SKP1: variants seen among roughly 807,000 people sequenced by gnomAD.
SKP1 encodes the protein S-phase kinase associated protein 1.
In SKP1, 1 loss-of-function variant was observed where a neutral mutation model predicts 21.5. The ratio of observed to expected loss-of-function variants is 0.05; its 90% CI spans 0.02 to 0.22. SKP1 has a LOEUF of 0.22. Ranked by LOEUF, SKP1 falls within the 10% of genes least tolerant of loss-of-function variation. The pLI is 1.00. For synonymous variants in SKP1, 59 were observed against 59.3 expected (o/e 0.99, Z 0.03); for missense variants, 70 against 192.0 (o/e 0.36, Z 3.76).
At chr5:134,171,763 G>A (rs760660186) in intron 2 of SKP1, among the ~76,000 whole-genome samples, 16 of 152,248 alleles carry the variant, frequency 1.1e-4, no homozygotes, top group Non-Finnish European at 1.9e-4. Context: ...ATATCACCTC[G>A]GCTGGGCTTA....
chr5:134,167,190 T>C lies in SKP1; in HGVS notation c.151A>G (p.Asn51Asp). 6.2e-7 allele frequency: 1 copy of C among 1,601,922 alleles called. No individual in the cohort carries two copies. Among genetic ancestry groups the C allele is most frequent in the Non-Finnish European group, 8.6e-7 (1 of 1,169,104 alleles). Residue 51 changes from asparagine (N) to aspartate (D), a missense_variant, in exon 3 of 6, where the codon AAT becomes GAT. Physicochemically the swap from Asn to Asp is conservative, Grantham distance 23. Transcript: ENST00000353411. ...CTTACCTTTTTTAATATTGCTGCATTCACATTTGGTAGAGGAACTGGGTCA... is the reference window on the plus strand; with the variant it reads ...CTTACCTTTTTTAATATTGCTGCATCCACATTTGGTAGAGGAACTGGGTCA... ...DDDPVPLPNV[N>D]AAILKKVIQW...
chr5:134,172,349 A>G lies in SKP1; in HGVS notation c.97+1577T>C, dbSNP rs73277654. Reference sequence around the variant, plus strand: ...ATCTACTGATCTTTCCCTACATAAAAAACCTCTGACATTTAAGTACTAAAG... The same window carrying G: ...ATCTACTGATCTTTCCCTACATAAAGAACCTCTGACATTTAAGTACTAAAG... On this transcript the variant is annotated intron_variant, in intron 2 of 5. Transcript: ENST00000353411. Among the ~76,000 whole-genome samples, 895 of 152,318 alleles carry G rather than the reference A, an allele frequency of 5.9e-3. 11 individuals are homozygous for G. Among genetic ancestry groups the G allele is most frequent in the African/African-American group, 0.021 (859 of 41,550 alleles).
Position 134,155,763 on chromosome 5 carries a change from T to G in SKP1, c.*1970A>C, listed in dbSNP as rs1037963432. ...TATGGCAGTAATCCTGGACCTTCAG[T>G]GAAGATTTGTTTGTCATAATACTGC... On this transcript the variant is annotated 3_prime_UTR_variant, in exon 6 of 6. Transcript: ENST00000353411. 1.3e-5 allele frequency: 2 copies of G among 152,126 alleles called. No individual in the cohort carries two copies. Among genetic ancestry groups the G allele is most frequent in the Non-Finnish European group, 2.9e-5 (2 of 68,034 alleles). 9.4% of individuals were successfully genotyped at this position (152,126 alleles called of 1,614,324 possible). A position where few individuals can be genotyped will look rare whatever the true frequency, so the allele number is the denominator to read the frequency against.
At chr5:134,167,519 TAG>T (rs780591990) in intron 2 of SKP1, among the ~76,000 whole-genome samples, 1 of 151,276 alleles carries the variant, frequency 6.6e-6, no homozygotes, top group African/African-American at 2.4e-5. Context: ...GTAAGTAATC[TAG>T]AGAGGGGTTT....
At chr5:134,166,956 T>C (rs1025914063) in intron 3 of SKP1, among the ~76,000 whole-genome samples, 1 of 152,208 alleles carries the variant, frequency 6.6e-6, no homozygotes, top group Non-Finnish European at 1.5e-5. Context: ...TAAATGACAA[T>C]AGTCAACTGT....
Position 134,151,980 on chromosome 5 carries a change from G to A in SKP1, c.*5753C>T, listed in dbSNP as rs1490560559. 1 of 225,596 alleles carries A rather than the reference G, an allele frequency of 4.4e-6. No homozygotes were observed. The highest frequency in any genetic ancestry group is 9.3e-6 in the Non-Finnish European group (1 of 107,758). 14.0% of individuals were successfully genotyped at this position (225,596 alleles called of 1,614,324 possible). A position where few individuals can be genotyped will look rare whatever the true frequency, so the allele number is the denominator to read the frequency against. ...GCCAATCCTGCTTAGGTGTCCAAATGGCTCAATCTTGGGCCAAAGGACATG... is the reference window on the plus strand; with the variant it reads ...GCCAATCCTGCTTAGGTGTCCAAATAGCTCAATCTTGGGCCAAAGGACATG... On this transcript the variant is annotated 3_prime_UTR_variant, in exon 6 of 6. Transcript: ENST00000353411.
At chr5:134,173,060 C>T (rs1439639917) in intron 2 of SKP1, among the ~76,000 whole-genome samples, 4 of 149,750 alleles carry the variant, frequency 2.7e-5, no homozygotes, top group East Asian at 4.0e-4. Flanking sequence ...GGGCAGGGCG[C>T]GGTGGCTCAC....
In SKP1 at chr5:134,151,633, T is replaced by A. The variant is rs1761044644; in HGVS notation, c.*6100A>T. Reference sequence around the variant, plus strand: ...TGAAGTTAAGAGATATCAGAAGGTCTGAATATACTTAAATACTTCCAGAAA... The same window carrying A: ...TGAAGTTAAGAGATATCAGAAGGTCAGAATATACTTAAATACTTCCAGAAA... On this transcript the variant is annotated 3_prime_UTR_variant, in exon 6 of 6. Coordinates refer to ENST00000353411, the MANE Select transcript of SKP1 (RefSeq NM_170679.3). The A allele has an allele frequency of 2.2e-6, 1 of 455,622 alleles. No individual in the cohort carries two copies. The allele number at this position is 455,622 out of a possible 1,614,324, so 28.2% of individuals were successfully genotyped here. A position where few individuals can be genotyped will look rare whatever the true frequency, so the allele number is the denominator to read the frequency against.
In SKP1 at chr5:134,155,166, T is replaced by C. The variant is rs1216211050; in HGVS notation, c.*2567A>G. 1 of 152,098 alleles carries C rather than the reference T, an allele frequency of 6.6e-6. No individual in the cohort carries two copies. Among genetic ancestry groups the C allele is most frequent in the Non-Finnish European group, 1.5e-5 (1 of 68,038 alleles). 9.4% of individuals were successfully genotyped at this position (152,098 alleles called of 1,614,324 possible). A position where few individuals can be genotyped will look rare whatever the true frequency, so the allele number is the denominator to read the frequency against. ...AGACACTAAAACTCCAGCCTCAAGG[T>C]ATGACTTAATGCCACAATATTAGTT... is the stretch of plus-strand genomic sequence containing the variant. On this transcript the variant is annotated 3_prime_UTR_variant, in exon 6 of 6. Coordinates refer to ENST00000353411, the MANE Select transcript of SKP1 (RefSeq NM_170679.3).
At chr5:134,169,561 TCA>T (rs1761399706) in intron 2 of SKP1, among the ~76,000 whole-genome samples, 1 of 152,208 alleles carries the variant, frequency 6.6e-6, no homozygotes, top group South Asian at 2.1e-4. Context: ...GAGGCTTAAC[TCA>T]CATTAAAAAT....
intron 2 of SKP1, among the ~76,000 whole-genome samples, chr5:134,173,135 C>T (rs1362590720): frequency 1.3e-5 from 2 of 151,862 alleles, no homozygotes; most frequent in Non-Finnish European, 2.9e-5. Flanking sequence ...GAGTCCGAGA[C>T]CAGCCTGACC....
In SKP1 at chr5:134,167,219, TCTC is replaced by T; in HGVS notation, c.119_121del (p.Gly40del). On this transcript the variant is annotated inframe_deletion, in exon 3 of 6. Coordinates refer to ENST00000353411, the MANE Select transcript of SKP1 (RefSeq NM_170679.3). ...ATTTGGTAGAGGAACTGGGTCATCA[TCTC>T]CTTCATCATCCATTCCCAAATCTAA... is the stretch of plus-strand genomic sequence containing the variant. 1 of 1,605,392 alleles carries T rather than the reference TCTC, an allele frequency of 6.2e-7. No individual in the cohort carries two copies. The highest frequency in any genetic ancestry group is 8.5e-7 in the Non-Finnish European group (1 of 1,172,288).
chr5:134,173,417 G>C, intron 2 of SKP1: 1 of 227,104 alleles, frequency 4.4e-6, no homozygotes, highest in South Asian at 5.8e-5. Flanking sequence ...ACTGAGCCCA[G>C]AAGGTTGAGG....
intron 2 of SKP1, 29 bp downstream of exon 2, chr5:134,173,897 C>T (rs747327625): frequency 1.2e-5 from 14 of 1,207,118 alleles, no homozygotes; most frequent in Non-Finnish European, 1.7e-5. Context: ...TACACATTTC[C>T]TCCCACCCAG....
At position 134,149,623 on chromosome 5, in the gene SKP1, C is replaced by G. The variant is rs1339014794; in HGVS notation, c.*8110G>C. The G allele has an allele frequency of 6.6e-6, 1 of 152,184 alleles. No individual in the cohort carries two copies. The highest frequency in any genetic ancestry group is 1.5e-5 in the Non-Finnish European group (1 of 68,026). 9.4% of individuals were successfully genotyped at this position (152,184 alleles called of 1,614,324 possible). A position where few individuals can be genotyped will look rare whatever the true frequency, so the allele number is the denominator to read the frequency against. Reference sequence around the variant, plus strand: ...ACTTGCTTTTGCTTCTGAGAGAGTGCTAGAGGACACTAGCCATTCTCTGGA... The same window carrying G: ...ACTTGCTTTTGCTTCTGAGAGAGTGGTAGAGGACACTAGCCATTCTCTGGA... On this transcript the variant is annotated 3_prime_UTR_variant, in exon 6 of 6. Transcript: ENST00000353411.
At chr5:134,173,827 C>CA in intron 2 of SKP1, 99 bp downstream of exon 2, 2 of 775,218 alleles carry the variant, frequency 2.6e-6, no homozygotes, top group Non-Finnish European at 4.7e-6. Flanking sequence ...TTCATACTCT[C>CA]AAGCACCTTA....
intron 1 of SKP1, among the ~76,000 whole-genome samples, chr5:134,176,029 C>A (rs1204622526): frequency 6.6e-6 from 1 of 152,186 alleles, no homozygotes; most frequent in Non-Finnish European, 1.5e-5. Context: ...GAAACGGATA[C>A]ATTCTACTGT....
intron 3 of SKP1, among the ~76,000 whole-genome samples, chr5:134,166,505 C>T (rs1407917199): frequency 7.6e-6 from 1 of 132,068 alleles, no homozygotes; most frequent in Non-Finnish European, 1.5e-5. Context: ...CACCTGAACC[C>T]AGGAGGCAGA....
At chr5:134,168,580 T>TAAGGGACACAATTA (rs1761378599) in intron 2 of SKP1, among the ~76,000 whole-genome samples, 1 of 152,156 alleles carries the variant, frequency 6.6e-6, no homozygotes, top group South Asian at 2.1e-4. Context: ...GAACATGGGT[T>TAAGGGACACAATTA]AAGGGACACA....
Sources: gnomAD v4.1 joint callset for allele counts (sites outside exome capture counted in the v4.1 genomes callset) on GRCh38, gnomAD v4.1.1 for gene constraint, MANE v1.5 for transcripts, NCBI Gene and HGNC (gene_info 2026-07-23, HGNC 2026-07-21) for gene names.